The following PLPP3 variants were observed in gnomAD, a reference collection of about 807,000 sequenced individuals.
PLPP3 encodes the protein PAP2 beta.
A neutral mutation model predicts 29.6 loss-of-function variants in PLPP3; 6 were observed. The observed-to-expected ratio is 0.20, with a 90% confidence interval of 0.11 to 0.40. The LOEUF (loss-of-function observed/expected upper bound fraction) is 0.40, where lower values mean the gene tolerates loss of function less well. PLPP3 is among the 10% of genes least tolerant of loss of function. The pLI is 1.00. For missense variants in PLPP3, 308 were observed against 407.7 expected, an observed-to-expected ratio of 0.76 and a Z score of 2.11; for synonymous variants, 152 against 159.7, an observed-to-expected ratio of 0.95 and a Z score of 0.36.
At chr1:56,510,765 C>T (rs1300691715) in intron 5 of PLPP3, among the ~76,000 whole-genome samples, 1 of 152,198 alleles carries the variant, frequency 6.6e-6, no homozygotes, top group African/African-American at 2.4e-5. Flanking sequence ...CACACATTTG[C>T]TTAGTCTGAG....
chr1:56,523,453 G>T (rs1645832456), intron 4 of PLPP3, among the ~76,000 whole-genome samples: 1 of 152,184 alleles, frequency 6.6e-6, no homozygotes, highest in East Asian at 1.9e-4. Flanking sequence ...TGGTGCAAGA[G>T]TAAGTGGTTT....
At chr1:56,558,980 A>G (rs1159861919) in intron 1 of PLPP3, among the ~76,000 whole-genome samples, 1 of 152,236 alleles carries the variant, frequency 6.6e-6, no homozygotes. Context: ...CTGAAAGACC[A>G]TTTAATTCAA....
chr1:56,545,190 G>A (rs557274630), intron 1 of PLPP3, among the ~76,000 whole-genome samples: 1 of 152,310 alleles, frequency 6.6e-6, no homozygotes, highest in Admixed American at 6.5e-5. Flanking sequence ...GAGTCAGGCA[G>A]ACAAGATTTC....
intron 1 of PLPP3, among the ~76,000 whole-genome samples, chr1:56,568,725 A>C (rs1449881499): frequency 6.6e-6 from 1 of 152,108 alleles, no homozygotes; most frequent in East Asian, 1.9e-4. Context: ...TCCCGGGTTC[A>C]AGCAATTCTC....
At chr1:56,535,897 G>A (rs1299809168) in intron 2 of PLPP3, among the ~76,000 whole-genome samples, 1 of 152,192 alleles carries the variant, frequency 6.6e-6, no homozygotes, top group African/African-American at 2.4e-5. Context: ...CAATCCTCTT[G>A]AGGGAATCCA....
intron 2 of PLPP3, among the ~76,000 whole-genome samples, chr1:56,529,513 TTGA>T (rs1368544839): frequency 1.3e-5 from 2 of 152,190 alleles, no homozygotes; most frequent in African/African-American, 2.4e-5. Flanking sequence ...CAACAAACTG[TTGA>T]TGATGGAGAA....
At chr1:56,503,042 T>C (rs1057513357) in intron 5 of PLPP3, among the ~76,000 whole-genome samples, 6 of 152,152 alleles carry the variant, frequency 3.9e-5, no homozygotes, top group Admixed American at 3.9e-4. Flanking sequence ...ATGCCCTAAG[T>C]ACAGTAAGTG....
At chr1:56,544,695 T>C (rs979458052) in intron 1 of PLPP3, among the ~76,000 whole-genome samples, 2 of 152,210 alleles carry the variant, frequency 1.3e-5, no homozygotes, top group Non-Finnish European at 2.9e-5. Flanking sequence ...CTAGAATTCA[T>C]TCAGAGATGG....
At chr1:56,518,039 CA>C (rs1645794216) in intron 4 of PLPP3, among the ~76,000 whole-genome samples, 1 of 152,168 alleles carries the variant, frequency 6.6e-6, no homozygotes, top group African/African-American at 2.4e-5. Context: ...TGGCTTTCCA[CA>C]CAAAATTATG....
At chr1:56,573,480 G>A (rs563126185) in intron 1 of PLPP3, among the ~76,000 whole-genome samples, 61 of 151,312 alleles carry the variant, frequency 4.0e-4, no homozygotes, top group African/African-American at 1.5e-3. Flanking sequence ...TAATTAAATT[G>A]CCCTTAAGAT....
intron 5 of PLPP3, among the ~76,000 whole-genome samples, chr1:56,509,387 C>G (rs1645725061): frequency 6.6e-6 from 1 of 152,098 alleles, no homozygotes; most frequent in Non-Finnish European, 1.5e-5. Flanking sequence ...CTTCAGGGAC[C>G]CCTTCTCCTT....
At chr1:56,504,406 G>A (rs1272695433) in intron 5 of PLPP3, among the ~76,000 whole-genome samples, 2 of 152,140 alleles carry the variant, frequency 1.3e-5, no homozygotes, top group Non-Finnish European at 2.9e-5. Context: ...CTGGTAAGGA[G>A]TACCCAGGGG....
intron 2 of PLPP3, among the ~76,000 whole-genome samples, chr1:56,529,247 C>T (rs1210629261): frequency 6.6e-6 from 1 of 152,130 alleles, no homozygotes; most frequent in Non-Finnish European, 1.5e-5. Flanking sequence ...AAGACCATCA[C>T]TGAAGCTGGG....
intron 1 of PLPP3, among the ~76,000 whole-genome samples, chr1:56,543,153 T>C (rs1645981562): frequency 6.6e-6 from 1 of 152,164 alleles, no homozygotes; most frequent in African/African-American, 2.4e-5. Flanking sequence ...TCACCTAAAA[T>C]GCAGAGCTAG....
At position 56,579,205 on chromosome 1, in the gene PLPP3, T is replaced by C; in HGVS notation, c.-189A>G. 1.6e-6 allele frequency: 1 copy of C among 633,300 alleles called. No individual in the cohort carries two copies. The highest frequency in any genetic ancestry group is 3.4e-5 in the East Asian group (1 of 29,478). 39.2% of individuals were successfully genotyped at this position (633,300 alleles called of 1,614,324 possible). A position where few individuals can be genotyped will look rare whatever the true frequency, so the allele number is the denominator to read the frequency against. ...TCCAACTGCAGAAGGTGGTGTTTTC[T>C]GCTCCTCCTGCGCGCCTCTGCTTTC... On this transcript the variant is annotated 5_prime_UTR_variant, in exon 1 of 6. Coordinates refer to ENST00000371250, the MANE Select transcript of PLPP3 (RefSeq NM_003713.5).
chr1:56,530,476 C>T (rs989574884), intron 2 of PLPP3, among the ~76,000 whole-genome samples: 4 of 152,192 alleles, frequency 2.6e-5, no homozygotes, highest in East Asian at 3.9e-4. Context: ...ATTCCCACTC[C>T]TGTCCCAAAC....
At chr1:56,511,732 A>ATTTTT (rs1645742247) in intron 5 of PLPP3, among the ~76,000 whole-genome samples, 1 of 151,718 alleles carries the variant, frequency 6.6e-6, no homozygotes, top group Non-Finnish European at 1.5e-5. Flanking sequence ...CGAGCCCAAA[A>ATTTTT]CCTCTGTATT....
At chr1:56,561,189 T>C (rs1646125809) in intron 1 of PLPP3, among the ~76,000 whole-genome samples, 2 of 151,838 alleles carry the variant, frequency 1.3e-5, no homozygotes, top group South Asian at 4.2e-4. Context: ...AAAAAAGTAA[T>C]GCCTTCTAAA....
In PLPP3 at chr1:56,578,776, A is replaced by ACGGTGCGGCG. The variant is rs1553141159; in HGVS notation, c.139+101_139+102insCGCCGCACCG. The ACGGTGCGGCG allele has an allele frequency of 7.4e-6, 9 of 1,218,316 alleles. No homozygotes were observed. In the African/African-American group the frequency reaches 1.1e-4, roughly 15 times the overall value. 75.5% of individuals were successfully genotyped at this position (1,218,316 alleles called of 1,614,324 possible). A position where few individuals can be genotyped will look rare whatever the true frequency, so the allele number is the denominator to read the frequency against. On this transcript the variant is annotated intron_variant, in intron 1 of 5. Coordinates refer to ENST00000371250, the MANE Select transcript of PLPP3 (RefSeq NM_003713.5). ...AGGCTGCGGGGGCCCCCCGGAGCTG[A>ACGGTGCGGCG]CGGCGCGGCGCGGCGCGGCGCTGCG...
Sources: gnomAD v4.1 joint callset for allele counts (sites outside exome capture counted in the v4.1 genomes callset) on GRCh38, gnomAD v4.1.1 for gene constraint, MANE v1.5 for transcripts, NCBI Gene and HGNC (gene_info 2026-07-23, HGNC 2026-07-21) for gene names.